Variants in STK10 observed in about 807,000 individuals in gnomAD.
STK10 encodes serine/threonine-protein kinase 10.
Under a neutral mutation model 113.8 loss-of-function variants are expected in STK10, and 78 were observed. That is an observed-to-expected ratio of 0.69 (90% CI 0.57 to 0.83). The LOEUF (loss-of-function observed/expected upper bound fraction) is 0.83. Ranked by LOEUF, STK10 falls within the 40% of genes least tolerant of loss-of-function variation. STK10 has a pLI of 0.00. For synonymous variants in STK10, 465 were observed against 494.7 expected, an observed-to-expected ratio of 0.94 and a Z score of 0.80; for missense variants, 1,109 against 1,280.1, an observed-to-expected ratio of 0.87 and a Z score of 2.04.
chr5:172,109,326 CT>C (rs199749477), intron 4 of STK10, among the ~76,000 whole-genome samples: 2,267 of 143,404 alleles, frequency 0.016, 19 homozygotes, highest in Admixed American at 0.03. Context: ...TAAATGAACA[CT>C]TTTTTTTTTT....
rs1009908670 is a variant in STK10, at chr5:172,153,552, C to G, written c.321+3072G>C. On this transcript the variant is annotated intron_variant, in intron 2 of 18. Transcript: ENST00000176763. The stretch of plus-strand genomic sequence containing the variant: ...ACCTCCACCCCACTCGGGGGAAAGT[C>G]TGTCCCTGTCTGCCATGGCTACAGA... Among the ~76,000 whole-genome samples the G allele has an allele frequency of 3.3e-5, 5 of 152,260 alleles. No individual in the cohort carries two copies. The South Asian group carries it at 8.3e-4, about 25-fold the overall frequency.
chr5:172,084,492 T>C (rs1768508375), intron 10 of STK10, among the ~76,000 whole-genome samples: 1 of 152,000 alleles, frequency 6.6e-6, no homozygotes, highest in Non-Finnish European at 1.5e-5. Flanking sequence ...AGAATAGGTC[T>C]GTTATGCCAC....
chr5:172,086,910 G>C (rs2113736786), intron 10 of STK10, among the ~76,000 whole-genome samples: 1 of 152,334 alleles, frequency 6.6e-6, no homozygotes, highest in South Asian at 2.1e-4. Context: ...AGAGAGCACT[G>C]CTTCTCCATG....
chr5:172,083,153 T>C, intron 10 of STK10, 69 bp from the exon 11 acceptor site: 1 of 1,602,336 alleles, frequency 6.2e-7, no homozygotes, highest in Non-Finnish European at 8.5e-7. Flanking sequence ...TATTTGCAAC[T>C]TGGAACACTG....
At chr5:172,136,672 C>T (rs1358496326) in intron 2 of STK10, among the ~76,000 whole-genome samples, 1 of 151,836 alleles carries the variant, frequency 6.6e-6, no homozygotes, top group East Asian at 1.9e-4. Flanking sequence ...CATGGCATTC[C>T]AAAAAATAAG....
chr5:172,086,076 C>A (rs1424532962), intron 10 of STK10, among the ~76,000 whole-genome samples: 2 of 152,170 alleles, frequency 1.3e-5, no homozygotes, highest in Non-Finnish European at 2.9e-5. Context: ...AGTCACTTAT[C>A]CTTGTGGGAC....
At chr5:172,067,249 C>T (rs1216809888) in intron 12 of STK10, among the ~76,000 whole-genome samples, 3 of 152,228 alleles carry the variant, frequency 2.0e-5, no homozygotes, top group Admixed American at 2.0e-4. Flanking sequence ...CTCAGCTACT[C>T]AGGAGGCTGA....
chr5:172,080,413 G>A lies in STK10; in HGVS notation c.1989+1913C>T, dbSNP rs149100557. 4.3e-4 allele frequency among the ~76,000 whole-genome samples: 66 copies of A among 152,350 alleles called. No individual in the cohort carries two copies. The East Asian group carries it at 0.012, about 28-fold the overall frequency. ...AAAGCTAGAAATGATGAAGCTTAGT[G>A]AGGAAGGCATGGAGAAAACCTACTG... On this transcript the variant is annotated intron_variant, in intron 12 of 18. Transcript: ENST00000176763.
At chr5:172,111,864 A>T (rs1209730184) in intron 4 of STK10, among the ~76,000 whole-genome samples, 1 of 152,260 alleles carries the variant, frequency 6.6e-6, no homozygotes, top group Non-Finnish European at 1.5e-5. Flanking sequence ...ATTTGCTAAA[A>T]TGCCTTTACT....
rs761312661 is a variant in STK10, at chr5:172,093,964, GA to G, written c.1006-5del. On this transcript the variant is annotated splice_region_variant and splice_polypyrimidine_tract_variant and intron_variant, in intron 8 of 18. Coordinates refer to ENST00000176763, the MANE Select transcript of STK10 (RefSeq NM_005990.4). This position sits in a 1 kb window ranked among gnomAD's most constrained non-coding sequence, Gnocchi z 4.1. Reference sequence around the variant, plus strand: ...TCTGAGTATGGTTCTCCAGGGTCTAGAAAAATATATATATATATATTAAAGG... The same window carrying G: ...TCTGAGTATGGTTCTCCAGGGTCTAGAAAATATATATATATATATTAAAGG... 3.4e-6 allele frequency: 5 copies of G among 1,465,588 alleles called. No individual in the cohort carries two copies. In the South Asian group the frequency reaches 6.4e-5, roughly 19 times the overall value. The allele number at this position is 1,465,588 out of a possible 1,614,324, so 90.8% of individuals were successfully genotyped here. A position where few individuals can be genotyped will look rare whatever the true frequency, so the allele number is the denominator to read the frequency against.
At position 172,105,689 on chromosome 5, in the gene STK10, T is replaced by C. The variant is rs369619776; in HGVS notation, c.837A>G (p.Pro279=). The C allele has an allele frequency of 2.4e-5, 38 of 1,613,892 alleles. No homozygotes were observed. In the South Asian group the frequency reaches 3.8e-4, roughly 16 times the overall value. The change falls in exon 7 of 19, where the codon CCA becomes CCG. Residue 279 remains proline, a synonymous_variant. Coordinates refer to ENST00000176763, the MANE Select transcript of STK10 (RefSeq NM_005990.4). ...GCTGCGCGGCACTGGGTCGGGTTTC[T>C]GGGTTCTTATCCAGGGCTATCTTCA... ...DFLKIALDKN[P]ETRPSAAQLL... is the part of the protein sequence containing the mutation.
At chr5:172,110,322 C>T (rs891491216) in intron 4 of STK10, among the ~76,000 whole-genome samples, 1 of 152,272 alleles carries the variant, frequency 6.6e-6, no homozygotes, top group South Asian at 2.1e-4. Flanking sequence ...CAGTTTTATT[C>T]AGCATACACT....
chr5:172,180,529 G>A (rs956331040), intron 1 of STK10, among the ~76,000 whole-genome samples: 4 of 151,572 alleles, frequency 2.6e-5, no homozygotes, highest in Admixed American at 1.3e-4. Flanking sequence ...AGTGGCTCAC[G>A]CCTGTAATCC....
intron 14 of STK10, among the ~76,000 whole-genome samples, chr5:172,059,341 C>T (rs1428323039): frequency 6.7e-6 from 1 of 149,212 alleles, no homozygotes; most frequent in Non-Finnish European, 1.5e-5. Flanking sequence ...AGAAGAACTG[C>T]TTGAACCTGG....
At chr5:172,181,146 T>C (rs1021157872) in intron 1 of STK10, among the ~76,000 whole-genome samples, 2 of 152,150 alleles carry the variant, frequency 1.3e-5, no homozygotes, top group African/African-American at 4.8e-5. Flanking sequence ...CTTCCACAGC[T>C]CCCTACGCTG....
intron 18 of STK10, among the ~76,000 whole-genome samples, chr5:172,048,930 C>T (rs1349339481): frequency 1.3e-5 from 2 of 152,138 alleles, no homozygotes; most frequent in Non-Finnish European, 2.9e-5. Context: ...GTGTCCGGGC[C>T]TTTGCAGTTG....
chr5:172,113,451 G>A (rs896087004), intron 4 of STK10, among the ~76,000 whole-genome samples: 2 of 152,072 alleles, frequency 1.3e-5, no homozygotes, highest in African/African-American at 4.8e-5. Context: ...CTTTCCTCAG[G>A]GCTCTGATAG....
intron 12 of STK10, among the ~76,000 whole-genome samples, chr5:172,077,725 C>A (rs1429416751): frequency 6.6e-6 from 1 of 151,464 alleles, no homozygotes; most frequent in East Asian, 1.9e-4. Flanking sequence ...GAAGAGGGTC[C>A]CAGGAGGCTT....
chr5:172,158,404 G>C (rs1336325351), intron 1 of STK10, among the ~76,000 whole-genome samples: 1 of 152,184 alleles, frequency 6.6e-6, no homozygotes, highest in Non-Finnish European at 1.5e-5. Flanking sequence ...GAGGCAGGCA[G>C]ATCACTTGAG....
Sources: allele counts gnomAD v4.1 joint callset (sites outside exome capture counted in the v4.1 genomes callset), GRCh38; gene constraint gnomAD v4.1.1; non-coding constraint Gnocchi (gnomAD v3.1); transcripts MANE v1.5; gene names NCBI Gene and HGNC (gene_info 2026-07-23, HGNC 2026-07-21).